PDE4B: variants seen among roughly 807,000 people sequenced by gnomAD.
PDE4B encodes phosphodiesterase 4B.
Under a neutral mutation model 82.2 loss-of-function variants are expected in PDE4B, and 20 were observed. That is an observed-to-expected ratio of 0.24 (90% confidence interval 0.17 to 0.35). The LOEUF is 0.35. Ranked by LOEUF, PDE4B falls within the 10% of genes least tolerant of loss-of-function variation. PDE4B has a pLI of 1.00. For synonymous variants in PDE4B, 320 were observed against 318.9 expected (o/e 1.00, Z -0.04); for missense variants, 655 against 907.2 (o/e 0.72, Z 3.57).
At chr1:65,972,634 G>A (rs1251577887) in intron 3 of PDE4B, among the ~76,000 whole-genome samples, 1 of 152,162 alleles carries the variant, frequency 6.6e-6, no homozygotes, top group Non-Finnish European at 1.5e-5. Context: ...ATCTGAAGGT[G>A]TATGCTGTTT....
At chr1:65,937,081 C>T (rs2100535257) in intron 3 of PDE4B, among the ~76,000 whole-genome samples, 1 of 152,312 alleles carries the variant, frequency 6.6e-6, no homozygotes, top group East Asian at 1.9e-4. Context: ...GTTCTGGCTT[C>T]TCCTTTGTTG....
At chr1:66,189,897 G>C (rs895069582) in intron 3 of PDE4B, among the ~76,000 whole-genome samples, 2 of 152,332 alleles carry the variant, frequency 1.3e-5, no homozygotes. Context: ...TCCTTTGGAG[G>C]AGGAGAGGTG....
chr1:66,247,404 T>C, intron 3 of PDE4B, 56 bp from the exon 4 acceptor site: 1 of 1,259,758 alleles, frequency 7.9e-7, no homozygotes, highest in South Asian at 1.5e-5. Flanking sequence ...CAGTGTATAC[T>C]ATGTGTCCTC....
chr1:66,008,225 G>A (rs1375315264), intron 3 of PDE4B, among the ~76,000 whole-genome samples: 1 of 152,240 alleles, frequency 6.6e-6, no homozygotes, highest in East Asian at 1.9e-4. Flanking sequence ...ACAAAGGGGA[G>A]TATTTTGGAG....
At chr1:65,806,111 C>A (rs1570954162) in intron 1 of PDE4B, among the ~76,000 whole-genome samples, 1 of 152,060 alleles carries the variant, frequency 6.6e-6, no homozygotes, top group Non-Finnish European at 1.5e-5. Flanking sequence ...TCGATGGTGT[C>A]TTATAAAAGC....
intron 3 of PDE4B, among the ~76,000 whole-genome samples, chr1:66,209,387 G>A (rs533776690): frequency 6.6e-6 from 1 of 152,226 alleles, no homozygotes; most frequent in East Asian, 1.9e-4. Flanking sequence ...CCAGGGTTAC[G>A]TAGCTCCTAA....
Position 66,303,372 on chromosome 1 carries a change from C to T in PDE4B, c.635-29136C>T, listed in dbSNP as rs1044338993. 4.0e-5 allele frequency among the ~76,000 whole-genome samples: 6 copies of T among 150,134 alleles called. No homozygotes were observed. The South Asian group carries it at 8.5e-4, about 21-fold the overall frequency. On this transcript the variant is annotated intron_variant, in intron 7 of 16. Coordinates refer to ENST00000341517, the MANE Select transcript of PDE4B (RefSeq NM_002600.4). Reference sequence around the variant, plus strand: ...GTGTGTGTATATATATATATATATACACACACACAGTGAAATGATTAAATC... The same window carrying T: ...GTGTGTGTATATATATATATATATATACACACACAGTGAAATGATTAAATC...
intron 1 of PDE4B, among the ~76,000 whole-genome samples, chr1:65,907,826 A>G (rs199879577): frequency 6.6e-6 from 1 of 152,292 alleles, no homozygotes; most frequent in East Asian, 1.9e-4. Flanking sequence ...TTTCTCATCT[A>G]AAAGGAGATG....
At chr1:65,883,497 CA>C (rs1646734132) in intron 1 of PDE4B, among the ~76,000 whole-genome samples, 1 of 152,102 alleles carries the variant, frequency 6.6e-6, no homozygotes, top group Non-Finnish European at 1.5e-5. Flanking sequence ...GATTTTTGTA[CA>C]TTGATTTTGT....
chr1:65,882,894 A>G (rs1238015028), intron 1 of PDE4B, among the ~76,000 whole-genome samples: 1 of 152,230 alleles, frequency 6.6e-6, no homozygotes, highest in Admixed American at 6.6e-5. Flanking sequence ...ATATGCCTTT[A>G]AGACACAAAT....
intron 3 of PDE4B, among the ~76,000 whole-genome samples, chr1:66,076,647 C>T (rs566878469): frequency 1.3e-5 from 2 of 152,126 alleles, no homozygotes; most frequent in African/African-American, 4.8e-5. Context: ...TATGAGTTCC[C>T]CTTTCTCTGC....
chr1:66,079,166 T>TTC (rs148765561), intron 3 of PDE4B, among the ~76,000 whole-genome samples: 49,409 of 141,828 alleles, frequency 0.35, 8,954 homozygotes, highest in Non-Finnish European at 0.42. Context: ...CCTGCTTCTT[T>TTC]TCTCTCTCTC....
chr1:66,075,671 T>C (rs1486060053), intron 3 of PDE4B, among the ~76,000 whole-genome samples: 2 of 152,106 alleles, frequency 1.3e-5, no homozygotes, highest in East Asian at 3.9e-4. Flanking sequence ...CACAAGGAGT[T>C]GTGCAATTGG....
intron 3 of PDE4B, among the ~76,000 whole-genome samples, chr1:66,054,452 A>G (rs373289947): frequency 6.6e-6 from 1 of 152,174 alleles, no homozygotes; most frequent in East Asian, 1.9e-4. Context: ...TCATGCCCCC[A>G]CCTTTTAGTA....
chr1:65,846,659 T>G (rs1485579347), intron 1 of PDE4B, among the ~76,000 whole-genome samples: 2 of 152,184 alleles, frequency 1.3e-5, no homozygotes, highest in African/African-American at 2.4e-5. Context: ...TTGCCTACAT[T>G]GTATTTCCAA....
At chr1:66,303,900 A>C (rs1179107577) in intron 7 of PDE4B, among the ~76,000 whole-genome samples, 2 of 152,170 alleles carry the variant, frequency 1.3e-5, no homozygotes, top group East Asian at 3.8e-4. Flanking sequence ...AAGAGACTTG[A>C]ACTTGCTTAT....
chr1:66,156,167 G>GT (rs1169084144), intron 3 of PDE4B, among the ~76,000 whole-genome samples: 1 of 152,112 alleles, frequency 6.6e-6, no homozygotes, highest in Non-Finnish European at 1.5e-5. Flanking sequence ...GGCATTTGTG[G>GT]TTTTATCTGG....
chr1:66,327,426 T>G (rs1326891865), intron 7 of PDE4B, among the ~76,000 whole-genome samples: 1 of 152,262 alleles, frequency 6.6e-6, no homozygotes, highest in African/African-American at 2.4e-5. Context: ...GATCTCTGAC[T>G]GCTAAAAATG....
At chr1:65,861,531 C>T (rs1646454114) in intron 1 of PDE4B, among the ~76,000 whole-genome samples, 1 of 152,130 alleles carries the variant, frequency 6.6e-6, no homozygotes, top group South Asian at 2.1e-4. Flanking sequence ...GCTATACAGG[C>T]TCTTTTTTGG....
Sources: allele counts gnomAD v4.1 joint callset (sites outside exome capture counted in the v4.1 genomes callset), GRCh38; gene constraint gnomAD v4.1.1; transcripts MANE v1.5; gene names NCBI Gene and HGNC (gene_info 2026-07-23, HGNC 2026-07-21).